DOCK3: variants seen among roughly 807,000 people sequenced by gnomAD.
DOCK3 encodes the protein dedicator of cytokinesis 3.
In DOCK3, 60 loss-of-function variants were observed where a neutral mutation model predicts 265.6. The observed-to-expected ratio is 0.23, with a 90% CI of 0.18 to 0.28. The LOEUF (loss-of-function observed/expected upper bound fraction) is 0.28, where lower values mean the gene tolerates loss of function less well. Ranked by LOEUF, DOCK3 falls within the 10% of genes least tolerant of loss-of-function variation. The probability of loss-of-function intolerance (pLI) is 1.00; values close to 1 mark genes in which losing one functional copy is unlikely to be tolerated. For synonymous variants in DOCK3, 881 were observed against 938.0 expected, an observed-to-expected ratio of 0.94 and a Z score of 1.11; for missense variants, 1,981 against 2,594.3, an observed-to-expected ratio of 0.76 and a Z score of 5.14.
intron 3 of DOCK3, among the ~76,000 whole-genome samples, chr3:50,872,294 GA>G (rs1329666959): frequency 6.6e-5 from 10 of 152,370 alleles, no homozygotes; most frequent in South Asian, 2.1e-4. Context: ...CAGACTTGTA[GA>G]GGGACCACCT....
At chr3:50,761,408 C>G (rs2040523538) in intron 1 of DOCK3, among the ~76,000 whole-genome samples, 1 of 152,146 alleles carries the variant, frequency 6.6e-6, no homozygotes, top group Non-Finnish European at 1.5e-5. Flanking sequence ...CTTAGAACAC[C>G]TTAACACAAT....
intron 1 of DOCK3, among the ~76,000 whole-genome samples, chr3:50,722,769 G>GTTTTT (rs58505050): frequency 9.6e-5 from 13 of 135,100 alleles, no homozygotes; most frequent in East Asian, 2.1e-4. Flanking sequence ...TCTTTTTCTT[G>GTTTTT]TTTTTTTTTT....
chr3:50,877,650 T>TTTTTCTTTTCTTTTCTTTTCTTTTC (rs141046408), intron 3 of DOCK3: 5 of 389,338 alleles, frequency 1.3e-5, no homozygotes, highest in African/African-American at 6.6e-5. Flanking sequence ...TGGCAGCCAC[T>TTTTTCTTTTCTTTTCTTTTCTTTTC]TTTTCTTTTC....
At chr3:51,365,414 C>T (rs2087070587) in intron 49 of DOCK3, among the ~76,000 whole-genome samples, 1 of 152,192 alleles carries the variant, frequency 6.6e-6, no homozygotes, top group Non-Finnish European at 1.5e-5. Flanking sequence ...TCTAAATATA[C>T]AATCATGTCA....
chr3:51,284,910 A>G (rs1310533089), intron 27 of DOCK3, among the ~76,000 whole-genome samples: 2 of 152,220 alleles, frequency 1.3e-5, no homozygotes, highest in Admixed American at 1.3e-4. Context: ...GCCAAGAGGT[A>G]GACATACAAC....
At chr3:51,134,037 T>C (rs2084682702) in intron 9 of DOCK3, among the ~76,000 whole-genome samples, 3 of 152,194 alleles carry the variant, frequency 2.0e-5, no homozygotes, top group African/African-American at 7.2e-5. Flanking sequence ...AGTGTTTGGT[T>C]TTCTGTTTCT....
Position 50,763,932 on chromosome 3 carries a change from T to C in DOCK3, c.38-14743T>C, listed in dbSNP as rs984717941. Among the ~76,000 whole-genome samples the C allele has an allele frequency of 3.9e-5, 6 of 152,196 alleles. No homozygotes were observed. In the East Asian group the frequency reaches 9.6e-4, roughly 24 times the overall value. ...AGAGCACTTTTTCTCACCAAAATGC[T>C]AATGGTCTTGAACAAGTTTATATTC... On this transcript the variant is annotated intron_variant, in intron 1 of 52. Coordinates refer to ENST00000266037, the MANE Select transcript of DOCK3 (RefSeq NM_004947.5).
intron 5 of DOCK3, among the ~76,000 whole-genome samples, chr3:50,979,269 T>G (rs2077604389): frequency 6.6e-6 from 1 of 152,188 alleles, no homozygotes; most frequent in Non-Finnish European, 1.5e-5. Context: ...TAAATTTATT[T>G]CTAGGTTTTT....
chr3:50,837,825 A>G (rs2045596768), intron 2 of DOCK3, among the ~76,000 whole-genome samples: 3 of 152,204 alleles, frequency 2.0e-5, no homozygotes, highest in African/African-American at 4.8e-5. Flanking sequence ...TGCAAAAAGT[A>G]TAAAGGTGCT....
chr3:50,828,864 C>A (rs1021843951), intron 2 of DOCK3, among the ~76,000 whole-genome samples: 6 of 152,096 alleles, frequency 3.9e-5, no homozygotes, highest in African/African-American at 1.4e-4. Context: ...CAGGCATGTG[C>A]CACCATGCCC....
intron 50 of DOCK3, among the ~76,000 whole-genome samples, chr3:51,375,440 T>G (rs537378115): frequency 9.5e-4 from 145 of 152,310 alleles, no homozygotes; most frequent in African/African-American, 3.1e-3. Context: ...GACAAAAGGA[T>G]GCAAACAGAT....
At chr3:51,048,736 T>G (rs1386640856) in intron 5 of DOCK3, among the ~76,000 whole-genome samples, 1 of 152,058 alleles carries the variant, frequency 6.6e-6, no homozygotes. Flanking sequence ...TACACGTAAG[T>G]ACTTAACAGT....
At chr3:51,077,111 G>A (rs2082082027) in intron 7 of DOCK3, among the ~76,000 whole-genome samples, 1 of 152,068 alleles carries the variant, frequency 6.6e-6, no homozygotes, top group African/African-American at 2.4e-5. Context: ...AGTGATTCAG[G>A]TAAGAAAAAT....
intron 2 of DOCK3, among the ~76,000 whole-genome samples, chr3:50,796,996 G>C (rs2042826681): frequency 1.3e-5 from 2 of 152,040 alleles, no homozygotes; most frequent in Non-Finnish European, 2.9e-5. Flanking sequence ...AGGTGCTCCT[G>C]GAACACAGGT....
intron 4 of DOCK3, among the ~76,000 whole-genome samples, chr3:50,922,451 G>A (rs2050534002): frequency 6.6e-6 from 1 of 152,238 alleles, no homozygotes; most frequent in African/African-American, 2.4e-5. Context: ...GTTACTGTCT[G>A]TCATGGCTTC....
intron 1 of DOCK3, among the ~76,000 whole-genome samples, chr3:50,685,202 A>G (rs1168176244): frequency 6.6e-6 from 1 of 152,018 alleles, no homozygotes; most frequent in Non-Finnish European, 1.5e-5. Context: ...ACTATCCTTT[A>G]CTTTCCTACT....
chr3:51,237,103 T>A (rs1450557873), intron 20 of DOCK3, among the ~76,000 whole-genome samples: 1 of 152,206 alleles, frequency 6.6e-6, no homozygotes, highest in Non-Finnish European at 1.5e-5. Context: ...TTTCATAGGC[T>A]GATTTGGCTC....
intron 4 of DOCK3, among the ~76,000 whole-genome samples, chr3:50,902,855 C>T (rs1423424802): frequency 1.3e-5 from 2 of 152,084 alleles, no homozygotes; most frequent in Non-Finnish European, 1.5e-5. Context: ...CCTTAAGCAG[C>T]GGTTTGTAGT....
intron 27 of DOCK3, among the ~76,000 whole-genome samples, chr3:51,280,748 A>G (rs1309312423): frequency 6.6e-6 from 1 of 152,150 alleles, no homozygotes; most frequent in Non-Finnish European, 1.5e-5. Context: ...AGCATACTAC[A>G]AAGTTCATAA....
Sources: allele counts gnomAD v4.1 joint callset (sites outside exome capture counted in the v4.1 genomes callset), GRCh38; gene constraint gnomAD v4.1.1; transcripts MANE v1.5; gene names NCBI Gene and HGNC (gene_info 2026-07-23, HGNC 2026-07-21).